CDH13: variants seen among roughly 807,000 people sequenced by gnomAD.
CDH13 encodes the protein cadherin-13.
Under a neutral mutation model 63.8 loss-of-function variants are expected in CDH13, and 24 were observed. The ratio of observed to expected loss-of-function variants is 0.38; its 90% CI spans 0.27 to 0.53. CDH13 has a LOEUF of 0.53. Among genes scored for constraint, CDH13 ranks in the 20% least tolerant of loss-of-function variants. CDH13 has a pLI of 0.85. For synonymous variants in CDH13, 503 were observed against 355.3 expected (o/e 1.42, Z -4.67); for missense variants, 1,049 against 903.1 (o/e 1.16, Z -2.07).
chr16:83,505,315 T>C (rs2074370445), intron 7 of CDH13, among the ~76,000 whole-genome samples: 1 of 152,144 alleles, frequency 6.6e-6, no homozygotes, highest in Non-Finnish European at 1.5e-5. Flanking sequence ...CTCACCTTAG[T>C]GTACGCTGGA....
chr16:82,917,199 T>G (rs1420115480), intron 2 of CDH13, among the ~76,000 whole-genome samples: 1 of 152,090 alleles, frequency 6.6e-6, no homozygotes, highest in Non-Finnish European at 1.5e-5. Context: ...CCGCATTAAC[T>G]CTAAAGAAGG....
intron 6 of CDH13, among the ~76,000 whole-genome samples, chr16:83,382,187 G>A (rs909495983): frequency 2.0e-5 from 3 of 152,100 alleles, no homozygotes; most frequent in Non-Finnish European, 2.9e-5. Flanking sequence ...ATGATTTGAG[G>A]ACAGCACTGA....
intron 2 of CDH13, among the ~76,000 whole-genome samples, chr16:82,917,112 G>A (rs1181601268): frequency 6.6e-6 from 1 of 152,168 alleles, no homozygotes; most frequent in East Asian, 1.9e-4. Context: ...CAGTGAGGAA[G>A]GAAGTCTGAA....
At position 83,244,634 on chromosome 16, in the gene CDH13, G is replaced by A. The variant is rs181432596; in HGVS notation, c.636+27137G>A. ...TTGGTGATTTGCTAGAAAGACTCAT[G>A]GACTCTACATCTAGTTGCATTTGTT... is the stretch of plus-strand genomic sequence containing the variant. On this transcript the variant is annotated intron_variant, in intron 5 of 13. Transcript: ENST00000567109. Among the ~76,000 whole-genome samples the A allele has an allele frequency of 3.1e-3, 469 of 152,226 alleles. 3 individuals carry two copies. Among genetic ancestry groups the A allele is most frequent in the Non-Finnish European group, 5.1e-3 (350 of 68,028 alleles).
chr16:83,213,683 C>A (rs182621008), intron 4 of CDH13, among the ~76,000 whole-genome samples: 40 of 152,254 alleles, frequency 2.6e-4, no homozygotes, highest in Non-Finnish European at 1.5e-5. Context: ...CTGCTCATCT[C>A]AGGTGTGCTT....
At chr16:83,361,513 G>A (rs2091162064) in intron 6 of CDH13, among the ~76,000 whole-genome samples, 2 of 152,302 alleles carry the variant, frequency 1.3e-5, no homozygotes, top group East Asian at 1.9e-4. Flanking sequence ...CAAGGCCAAT[G>A]TCCAGAATGG....
At chr16:83,015,034 A>G (rs1321252518) in intron 2 of CDH13, among the ~76,000 whole-genome samples, 2 of 151,294 alleles carry the variant, frequency 1.3e-5, no homozygotes, top group Admixed American at 6.6e-5. Flanking sequence ...AAAGCAATCT[A>G]TATAAACTGA....
At chr16:83,450,011 G>T (rs886530797) in intron 6 of CDH13, among the ~76,000 whole-genome samples, 2 of 152,138 alleles carry the variant, frequency 1.3e-5, no homozygotes, top group African/African-American at 4.8e-5. Flanking sequence ...TAGTTCCCCC[G>T]CCCCGACCCC....
intron 6 of CDH13, among the ~76,000 whole-genome samples, chr16:83,420,870 T>C (rs761057692): frequency 1.3e-5 from 2 of 152,058 alleles, no homozygotes; most frequent in East Asian, 1.9e-4. Flanking sequence ...GAATGTGAAG[T>C]CTGATGTTCA....
At chr16:82,874,447 C>T (rs1158728209) in intron 2 of CDH13, among the ~76,000 whole-genome samples, 2 of 151,012 alleles carry the variant, frequency 1.3e-5, no homozygotes, top group African/African-American at 2.4e-5. Flanking sequence ...CTTGGCAGGC[C>T]ACCCCCGAGA....
intron 2 of CDH13, among the ~76,000 whole-genome samples, chr16:82,900,028 C>G (rs1241201409): frequency 6.6e-6 from 1 of 152,204 alleles, no homozygotes; most frequent in Non-Finnish European, 1.5e-5. Flanking sequence ...CCTGCCCCAT[C>G]TTGATTGCTC....
At chr16:82,721,741 C>T (rs984845455) in intron 1 of CDH13, among the ~76,000 whole-genome samples, 6 of 152,170 alleles carry the variant, frequency 3.9e-5, no homozygotes, top group Admixed American at 2.6e-4. Context: ...GTTCTAAATA[C>T]AATCAAAGCC....
At chr16:83,051,196 G>A (rs1303044881) in intron 3 of CDH13, among the ~76,000 whole-genome samples, 4 of 152,138 alleles carry the variant, frequency 2.6e-5, no homozygotes, top group Non-Finnish European at 4.4e-5. Context: ...AACGAAATGA[G>A]TCCCAACCTG....
At chr16:83,160,220 T>C (rs1163667733) in intron 4 of CDH13, among the ~76,000 whole-genome samples, 1 of 152,160 alleles carries the variant, frequency 6.6e-6, no homozygotes, top group African/African-American at 2.4e-5. Context: ...GTAGGTTCAA[T>C]GACTGTATCA....
intron 10 of CDH13, among the ~76,000 whole-genome samples, chr16:83,683,375 T>C (rs1191154196): frequency 6.6e-6 from 1 of 152,240 alleles, no homozygotes; most frequent in African/African-American, 2.4e-5. Flanking sequence ...AAAGTATCTG[T>C]CATCATCTCA....
intron 5 of CDH13, among the ~76,000 whole-genome samples, chr16:83,223,520 T>C (rs1015900666): frequency 1.3e-5 from 2 of 152,198 alleles, no homozygotes; most frequent in African/African-American, 4.8e-5. Flanking sequence ...CGCTGCTGGC[T>C]CTTCCTGCCA....
intron 3 of CDH13, among the ~76,000 whole-genome samples, chr16:83,062,150 A>G (rs10871444): frequency 0.23 from 34,965 of 152,112 alleles, 4,648 homozygotes; most frequent in Non-Finnish European, 0.3. Flanking sequence ...CTGCTCTAGG[A>G]ATAATGATGT....
At chr16:83,570,972 A>ATATATATATATATATATATATATAT (rs57638289) in intron 7 of CDH13, among the ~76,000 whole-genome samples, 15 of 109,578 alleles carry the variant, frequency 1.4e-4, no homozygotes, top group East Asian at 5.7e-4. Context: ...TATATATATA[A>ATATATATATATATATATATATATAT]AAACCTTCTG....
At chr16:83,001,192 C>T (rs1170063280) in intron 2 of CDH13, among the ~76,000 whole-genome samples, 3 of 152,248 alleles carry the variant, frequency 2.0e-5, no homozygotes, top group Non-Finnish European at 4.4e-5. Context: ...GTGGTGACCA[C>T]ACAGCATAGA....
Sources: gnomAD v4.1 joint callset for allele counts (sites outside exome capture counted in the v4.1 genomes callset) on GRCh38, gnomAD v4.1.1 for gene constraint, MANE v1.5 for transcripts, NCBI Gene and HGNC (gene_info 2026-07-23, HGNC 2026-07-21) for gene names.